Variants in CHRM2 observed in about 807,000 individuals in gnomAD.
CHRM2 encodes muscarinic acetylcholine receptor M2.
CHRM2 carries 8 observed loss-of-function variants against 25.0 expected under a neutral mutation model. The observed-to-expected ratio is 0.32, with a 90% CI of 0.19 to 0.58. The LOEUF is 0.58. CHRM2 is among the 20% of genes least tolerant of loss of function. The probability of loss-of-function intolerance (pLI) is 0.88; values close to 1 mark genes in which losing one functional copy is unlikely to be tolerated. For synonymous variants in CHRM2, 202 were observed against 205.7 expected (o/e 0.98, Z 0.15); for missense variants, 440 against 567.1 (o/e 0.78, Z 2.28).
At chr7:136,882,990 GAAT>G (rs902876237) in intron 2 of CHRM2, among the ~76,000 whole-genome samples, 132 of 152,234 alleles carry the variant, frequency 8.7e-4, no homozygotes, top group African/African-American at 3.0e-3. Flanking sequence ...CAAAGATGAA[GAAT>G]AATATACCTC....
Position 137,018,464 on chromosome 7 carries a change from G to A in CHRM2, c.*2198G>A, listed in dbSNP as rs1805288225. ...AAGGAATCAGTTGAACGGAAATAAC[G>A]TCAAGCCAGTGGGCTCCTCGAGTTT... On this transcript the variant is annotated 3_prime_UTR_variant, in exon 4 of 4. Coordinates refer to ENST00000680005, the MANE Select transcript of CHRM2 (RefSeq NM_001006630.2). 6.6e-6 allele frequency: 1 copy of A among 151,820 alleles called. No individual in the cohort carries two copies. The highest frequency in any genetic ancestry group is 2.1e-4 in the South Asian group (1 of 4,824). 9.4% of individuals were successfully genotyped at this position (151,820 alleles called of 1,614,324 possible).
intron 2 of CHRM2, among the ~76,000 whole-genome samples, chr7:136,935,721 A>T (rs954162465): frequency 2.6e-5 from 4 of 152,184 alleles, no homozygotes; most frequent in African/African-American, 7.2e-5. Context: ...TAAAAGGATC[A>T]TTACTCCATT....
At chr7:136,986,790 G>A (rs1802885039) in intron 2 of CHRM2, among the ~76,000 whole-genome samples, 1 of 152,094 alleles carries the variant, frequency 6.6e-6, no homozygotes. Context: ...AGTTACCCAG[G>A]CTTCCTTGTC....
chr7:136,960,698 C>T (rs1163374477), intron 2 of CHRM2, among the ~76,000 whole-genome samples: 1 of 152,212 alleles, frequency 6.6e-6, no homozygotes, highest in African/African-American at 2.4e-5. Flanking sequence ...AAAATATTCA[C>T]ACTTTTTTTT....
intron 2 of CHRM2, among the ~76,000 whole-genome samples, chr7:136,933,987 T>C (rs1799267801): frequency 6.6e-6 from 1 of 152,132 alleles, no homozygotes; most frequent in Admixed American, 6.5e-5. Flanking sequence ...TTTCAGAAGA[T>C]GGTAAAAAAT....
chr7:136,969,487 C>T (rs78295002), intron 2 of CHRM2, among the ~76,000 whole-genome samples: 2,125 of 152,244 alleles, frequency 0.014, 39 homozygotes, highest in African/African-American at 0.049. Flanking sequence ...ACCTCTAGAT[C>T]CTGAAAGCAT....
At chr7:136,934,371 C>A (rs1333060871) in intron 2 of CHRM2, among the ~76,000 whole-genome samples, 1 of 151,992 alleles carries the variant, frequency 6.6e-6, no homozygotes, top group African/African-American at 2.4e-5. Flanking sequence ...TCATGTCATG[C>A]CATTATCACT....
intron 2 of CHRM2, among the ~76,000 whole-genome samples, chr7:136,943,874 G>A (rs1193621845): frequency 6.6e-6 from 1 of 152,050 alleles, no homozygotes; most frequent in Non-Finnish European, 1.5e-5. Context: ...CTGGCTAATA[G>A]ACTTCTTTCA....
intron 2 of CHRM2, among the ~76,000 whole-genome samples, chr7:136,916,853 TCTGTCA>T (rs1174679006): frequency 6.6e-6 from 1 of 151,786 alleles, no homozygotes; most frequent in Non-Finnish European, 1.5e-5. Flanking sequence ...TCTCTCTCTC[TCTGTCA>T]CTATGTGTGT....
In CHRM2 at chr7:137,014,971, G is replaced by C; in HGVS notation, c.106G>C (p.Val36Leu). The change falls in exon 4 of 4, where the codon GTG becomes CTG. Residue 36 changes from valine to leucine, a missense_variant. Around this residue, in one of 5 missense-constraint regions of CHRM2, gnomAD observed 86 missense variants for 124.9 expected, o/e 0.69. Coordinates refer to ENST00000680005, the MANE Select transcript of CHRM2 (RefSeq NM_001006630.2). ...CCTGGTGGCTGGATCCCTCAGTTTG[G>C]TGACCATTATCGGGAACATCCTAGT... ...IVLVAGSLSLVTIIGNILVMV... is the reference protein window; with the variant it reads ...IVLVAGSLSLLTIIGNILVMV... 6.2e-7 allele frequency: 1 copy of C among 1,613,248 alleles called. No homozygotes were observed. Among genetic ancestry groups the C allele is most frequent in the East Asian group, 2.2e-5 (1 of 44,780 alleles).
intron 2 of CHRM2, among the ~76,000 whole-genome samples, chr7:136,971,407 G>C (rs1801758821): frequency 6.6e-6 from 1 of 152,056 alleles, no homozygotes; most frequent in Non-Finnish European, 1.5e-5. Context: ...CCTGAGGTCA[G>C]GAGTTTGAGA....
chr7:136,905,837 G>T (rs1456470444), intron 2 of CHRM2, among the ~76,000 whole-genome samples: 2 of 151,104 alleles, frequency 1.3e-5, no homozygotes, highest in Non-Finnish European at 3.0e-5. Context: ...TTGATTGCGA[G>T]AGTATCTATC....
intron 2 of CHRM2, among the ~76,000 whole-genome samples, chr7:136,906,418 G>T (rs1797554570): frequency 6.6e-6 from 1 of 151,254 alleles, no homozygotes; most frequent in South Asian, 2.1e-4. Context: ...ATGTGTTTGT[G>T]TGTGTATGTG....
At chr7:136,924,198 T>C (rs1798606125) in intron 2 of CHRM2, among the ~76,000 whole-genome samples, 2 of 152,176 alleles carry the variant, frequency 1.3e-5, no homozygotes, top group South Asian at 4.1e-4. Flanking sequence ...ATTTCTTTTT[T>C]TTTCAGTTGT....
chr7:136,950,992 A>G (rs887312699), intron 2 of CHRM2: 7 of 151,844 alleles, frequency 4.6e-5, no homozygotes, highest in African/African-American at 1.2e-4. Flanking sequence ...ATTTTTTTGC[A>G]TATTGCCTAG....
intron 2 of CHRM2, among the ~76,000 whole-genome samples, chr7:136,895,978 A>G (rs559901502): frequency 6.6e-6 from 1 of 152,280 alleles, no homozygotes; most frequent in South Asian, 2.1e-4. Flanking sequence ...TATACTATTT[A>G]CGTTAAATAT....
intron 2 of CHRM2, among the ~76,000 whole-genome samples, chr7:136,942,139 C>T (rs1463551902): frequency 3.3e-5 from 5 of 152,086 alleles, no homozygotes; most frequent in Admixed American, 3.3e-4. Context: ...CCAGTATAGG[C>T]CTTTGCACAT....
intron 2 of CHRM2, among the ~76,000 whole-genome samples, chr7:136,937,198 C>T (rs1012298449): frequency 2.0e-5 from 3 of 152,164 alleles, no homozygotes; most frequent in East Asian, 1.9e-4. Flanking sequence ...TTTCAATAGC[C>T]GCATAAATTA....
chr7:136,976,908 C>T (rs1325808606), intron 2 of CHRM2, among the ~76,000 whole-genome samples: 3 of 152,144 alleles, frequency 2.0e-5, no homozygotes, highest in Non-Finnish European at 4.4e-5. Flanking sequence ...GAGGGACAGT[C>T]ATTTTCTTAA....
Sources: allele counts gnomAD v4.1 joint callset (sites outside exome capture counted in the v4.1 genomes callset), GRCh38; gene constraint gnomAD v4.1.1; regional missense constraint gnomAD v4.1.1; transcripts MANE v1.5; gene names NCBI Gene and HGNC (gene_info 2026-07-23, HGNC 2026-07-21).